The following SLCO3A1 variants were observed in gnomAD, a reference collection of about 807,000 sequenced individuals.
SLCO3A1 encodes the protein solute carrier organic anion transporter family member 3A1.
SLCO3A1 carries 27 observed loss-of-function variants against 63.1 expected under a neutral mutation model. The ratio of observed to expected loss-of-function variants is 0.43; its 90% CI spans 0.32 to 0.59. The LOEUF is 0.59. Among genes scored for constraint, SLCO3A1 ranks in the 20% least tolerant of loss-of-function variants. The pLI is 0.09. For missense variants in SLCO3A1, 773 were observed against 945.8 expected, an observed-to-expected ratio of 0.82 and a Z score of 2.40; for synonymous variants, 473 against 409.9, an observed-to-expected ratio of 1.15 and a Z score of -1.86.
At chr15:92,014,406 G>C (rs1028416639) in intron 2 of SLCO3A1, among the ~76,000 whole-genome samples, 1 of 152,154 alleles carries the variant, frequency 6.6e-6, no homozygotes, top group Non-Finnish European at 1.5e-5. Context: ...AATGCCCCGT[G>C]ATTAGGGTTT....
At chr15:91,925,835 T>C (rs1898993579) in intron 2 of SLCO3A1, among the ~76,000 whole-genome samples, 1 of 152,226 alleles carries the variant, frequency 6.6e-6, no homozygotes, top group East Asian at 1.9e-4. Flanking sequence ...AAGGGCTTCC[T>C]AGATCCAGCC....
intron 4 of SLCO3A1, among the ~76,000 whole-genome samples, chr15:92,109,922 G>T (rs2047708857): frequency 6.6e-6 from 1 of 152,038 alleles, no homozygotes; most frequent in Non-Finnish European, 1.5e-5. Context: ...AGATTCCCGT[G>T]GCTGGGCTGG....
chr15:92,101,780 A>G (rs1442385649), intron 3 of SLCO3A1, among the ~76,000 whole-genome samples: 1 of 152,134 alleles, frequency 6.6e-6, no homozygotes, highest in African/African-American at 2.4e-5. Context: ...GCTGTCCACC[A>G]CCTTCACGCA....
At chr15:91,993,752 A>G (rs2046155802) in intron 2 of SLCO3A1, among the ~76,000 whole-genome samples, 1 of 152,216 alleles carries the variant, frequency 6.6e-6, no homozygotes, top group Non-Finnish European at 1.5e-5. Flanking sequence ...TGTATAACCA[A>G]TAAGATAATA....
chr15:92,149,946 A>G (rs889287363), intron 8 of SLCO3A1, among the ~76,000 whole-genome samples: 1 of 152,204 alleles, frequency 6.6e-6, no homozygotes, highest in Admixed American at 6.5e-5. Context: ...ATAGCTTTGA[A>G]GAACTTGGAT....
intron 2 of SLCO3A1, among the ~76,000 whole-genome samples, chr15:92,002,512 G>A (rs928838068): frequency 6.6e-6 from 1 of 151,934 alleles, no homozygotes; most frequent in African/African-American, 2.4e-5. Flanking sequence ...TCTGTTTTAA[G>A]AAAAAAAATT....
At chr15:91,992,696 G>A (rs915172491) in intron 2 of SLCO3A1, among the ~76,000 whole-genome samples, 5 of 152,208 alleles carry the variant, frequency 3.3e-5, no homozygotes, top group African/African-American at 1.2e-4. Context: ...TCTCAGGACT[G>A]TCAGTCATAC....
At position 91,894,423 on chromosome 15, in the gene SLCO3A1, G is replaced by A. The variant is rs1288842525; in HGVS notation, c.181-21570G>A. ...GGGGAGAGGCATGGCAGGTGTGGTG[G>A]TATCTCAGGTGAGGGGTTGATGGTC... On this transcript the variant is annotated intron_variant, in intron 1 of 9. Coordinates refer to ENST00000318445, the MANE Select transcript of SLCO3A1 (RefSeq NM_013272.4). The surrounding 1 kb of genome is among the most constrained non-coding windows in gnomAD (Gnocchi z 4.8). 1.3e-5 allele frequency among the ~76,000 whole-genome samples: 2 copies of A among 152,148 alleles called. No homozygotes were observed. The highest frequency in any genetic ancestry group is 6.5e-5 in the Admixed American group (1 of 15,286).
At chr15:91,995,996 T>G (rs2046187618) in intron 2 of SLCO3A1, among the ~76,000 whole-genome samples, 1 of 152,152 alleles carries the variant, frequency 6.6e-6, no homozygotes, top group African/African-American at 2.4e-5. Flanking sequence ...TCTTTTACCT[T>G]TTTCATTTAC....
In SLCO3A1 at chr15:92,015,958, G is replaced by C. The variant is rs148885739; in HGVS notation, c.647-78923G>C. 2.7e-3 allele frequency among the ~76,000 whole-genome samples: 407 copies of C among 152,284 alleles called. 3 individuals carry two copies. The highest frequency in any genetic ancestry group is 9.2e-3 in the African/African-American group (382 of 41,540). On this transcript the variant is annotated intron_variant, in intron 2 of 9. Transcript: ENST00000318445. The stretch of plus-strand genomic sequence containing the variant: ...TAAGGTACAAATGATTTGGCATGTG[G>C]TTGGTCACCAAATGAATTGCAGAGA...
intron 2 of SLCO3A1, among the ~76,000 whole-genome samples, chr15:92,076,833 A>G (rs1438294710): frequency 6.6e-6 from 1 of 152,166 alleles, no homozygotes; most frequent in Non-Finnish European, 1.5e-5. Flanking sequence ...GTGTGATTTA[A>G]TATGTTTTGG....
intron 2 of SLCO3A1, among the ~76,000 whole-genome samples, chr15:92,010,034 A>G (rs1410716633): frequency 6.6e-6 from 1 of 152,188 alleles, no homozygotes; most frequent in Non-Finnish European, 1.5e-5. Context: ...CGCACTCTTG[A>G]CAGCCCAGAG....
At chr15:92,111,136 C>G (rs981395806) in intron 4 of SLCO3A1, among the ~76,000 whole-genome samples, 4 of 152,200 alleles carry the variant, frequency 2.6e-5, no homozygotes, top group African/African-American at 4.8e-5. Flanking sequence ...CAGCAGGAGC[C>G]ACAGATTTGC....
intron 2 of SLCO3A1, among the ~76,000 whole-genome samples, chr15:92,056,266 A>G (rs373398933): frequency 2.6e-5 from 4 of 152,208 alleles, no homozygotes; most frequent in East Asian, 3.9e-4. Flanking sequence ...AAAATAAAGC[A>G]TACAGAATTA....
In SLCO3A1 at chr15:92,163,207, T is replaced by G; in HGVS notation, c.*72T>G. On this transcript the variant is annotated 3_prime_UTR_variant, in exon 10 of 10. Coordinates refer to ENST00000318445, the MANE Select transcript of SLCO3A1 (RefSeq NM_013272.4). The stretch of plus-strand genomic sequence containing the variant: ...TTTTTCTTAAAAAAAGAAAAAAAGG[T>G]TCCAAAAAAAACCAAAACTCAGTAC... 6.9e-7 allele frequency: 1 copy of G among 1,444,238 alleles called. No homozygotes were observed. The highest frequency in any genetic ancestry group is 9.0e-7 in the Non-Finnish European group (1 of 1,106,236). The allele number at this position is 1,444,238 out of a possible 1,614,324, so 89.5% of individuals were successfully genotyped here.
intron 2 of SLCO3A1, among the ~76,000 whole-genome samples, chr15:92,011,481 A>T (rs938452330): frequency 1.0e-4 from 15 of 148,252 alleles, no homozygotes; most frequent in African/African-American, 2.8e-4. Flanking sequence ...TATCAGTTTT[A>T]AAAAAAGATA....
chr15:92,137,825 G>GT (rs2048078432), intron 7 of SLCO3A1, among the ~76,000 whole-genome samples: 1 of 106,244 alleles, frequency 9.4e-6, no homozygotes, highest in African/African-American at 5.2e-5. Context: ...GGGGTTGTTT[G>GT]TTTTTTTCTT....
At chr15:91,895,489 T>C (rs1054399890) in intron 1 of SLCO3A1, among the ~76,000 whole-genome samples, 3 of 152,304 alleles carry the variant, frequency 2.0e-5, no homozygotes, top group African/African-American at 7.2e-5. Flanking sequence ...ACCATAGTGG[T>C]CATCCAGGGC....
intron 7 of SLCO3A1, among the ~76,000 whole-genome samples, chr15:92,142,277 A>G (rs139595836): frequency 6.6e-6 from 1 of 152,172 alleles, no homozygotes; most frequent in South Asian, 2.1e-4. Context: ...TTTGGCTGCT[A>G]TATCAAAACA....
Sources: allele counts gnomAD v4.1 joint callset (sites outside exome capture counted in the v4.1 genomes callset), GRCh38; gene constraint gnomAD v4.1.1; non-coding constraint Gnocchi (gnomAD v3.1); transcripts MANE v1.5; gene names NCBI Gene and HGNC (gene_info 2026-07-23, HGNC 2026-07-21).